The following DZIP1L variants were observed in gnomAD, a reference collection of about 807,000 sequenced individuals.
DZIP1L encodes DAZ interacting zinc finger protein 1 like.
DZIP1L carries 90 observed loss-of-function variants against 88.7 expected under a neutral mutation model. The ratio of observed to expected loss-of-function variants is 1.02; its 90% CI spans 0.86 to 1.21. The LOEUF is 1.21. Among genes scored for constraint, DZIP1L ranks in the 50% most tolerant of loss-of-function variants. The pLI is 0.00. For synonymous variants in DZIP1L, 363 were observed against 372.1 expected (o/e 0.98, Z 0.28); for missense variants, 932 against 955.8 (o/e 0.98, Z 0.33).
intron 2 of DZIP1L, among the ~76,000 whole-genome samples, chr3:138,098,737 T>C (rs1289197052): frequency 6.6e-6 from 1 of 152,222 alleles, no homozygotes; most frequent in Admixed American, 6.5e-5. Context: ...CAGGACTTAC[T>C]ACTAAAAGGG....
Position 138,084,196 on chromosome 3 carries a change from C to T in DZIP1L, c.1120G>A (p.Ala374Thr). Residue 374 changes from alanine to threonine, a missense_variant, in exon 8 of 16, where the codon GCT becomes ACT. Coordinates refer to ENST00000327532, the MANE Select transcript of DZIP1L (RefSeq NM_173543.3). ...CTGATCTGGCACTGGGACTGGGCAG[C>T]TGCCTTCTTCTGATCCTGAGACAGG... ...ASLSQDQKKA[A>T]AQSQCQISTL... is the part of the protein sequence containing the mutation. 2 of 1,614,208 alleles carry T rather than the reference C, an allele frequency of 1.2e-6. No individual in the cohort carries two copies. The highest frequency in any genetic ancestry group is 1.6e-4 in the Middle Eastern group (1 of 6,062).
intron 1 of DZIP1L, among the ~76,000 whole-genome samples, 178 bp downstream of exon 1, chr3:138,115,150 G>A (rs2042671801): frequency 6.6e-6 from 1 of 152,152 alleles, no homozygotes; most frequent in South Asian, 2.1e-4. Context: ...GCGCGCCCTG[G>A]GCAGCGCGGA....
chr3:138,086,173 G>A (rs1427334909), intron 7 of DZIP1L, among the ~76,000 whole-genome samples: 1 of 151,336 alleles, frequency 6.6e-6, no homozygotes, highest in Non-Finnish European at 1.5e-5. Context: ...CAAGTTAATG[G>A]GTGCAGCACA....
chr3:138,099,300 T>C (rs139277041), intron 2 of DZIP1L, among the ~76,000 whole-genome samples: 2 of 152,286 alleles, frequency 1.3e-5, no homozygotes, highest in East Asian at 1.9e-4. Context: ...TTATGAGATT[T>C]TTTTAGGAAT....
At chr3:138,075,545 C>G (rs997474109) in intron 11 of DZIP1L, among the ~76,000 whole-genome samples, 1 of 152,218 alleles carries the variant, frequency 6.6e-6, no homozygotes, top group Non-Finnish European at 1.5e-5. Context: ...ATAACCTGTT[C>G]CTGAATAATC....
At chr3:138,094,763 A>T in intron 4 of DZIP1L, 99 bp downstream of exon 4, 4 of 1,544,106 alleles carry the variant, frequency 2.6e-6, no homozygotes. Flanking sequence ...AGCTCTGGGA[A>T]ACTAGCTGGA....
At chr3:138,089,320 G>A (rs1944096932) in intron 5 of DZIP1L, 1 of 964,686 alleles carries the variant, frequency 1.0e-6, no homozygotes, top group Non-Finnish European at 1.2e-6. Flanking sequence ...CAACTCCCGG[G>A]TTCTAATGTG....
At position 138,088,368 on chromosome 3, in the gene DZIP1L, C is replaced by A; in HGVS notation, c.999+11G>T. ...TTCCTCTGGGAAGAAAGGCATGGAG[C>A]ATCAGCTCACCTGAATTTCTGTCTT... is the stretch of plus-strand genomic sequence containing the variant. On this transcript the variant is annotated intron_variant, in intron 6 of 15. Coordinates refer to ENST00000327532, the MANE Select transcript of DZIP1L (RefSeq NM_173543.3). 1 of 1,607,694 alleles carries A rather than the reference C, an allele frequency of 6.2e-7. No individual in the cohort carries two copies. Among genetic ancestry groups the A allele is most frequent in the South Asian group, 1.1e-5 (1 of 89,804 alleles).
intron 10 of DZIP1L, among the ~76,000 whole-genome samples, chr3:138,078,867 T>G (rs893042858): frequency 6.6e-6 from 1 of 152,154 alleles, no homozygotes; most frequent in Non-Finnish European, 1.5e-5. Context: ...TTAGGTAATG[T>G]GGGGGTGTAG....
chr3:138,066,925 G>A (rs996810475), intron 14 of DZIP1L, among the ~76,000 whole-genome samples: 7 of 152,126 alleles, frequency 4.6e-5, no homozygotes, highest in African/African-American at 1.7e-4. Context: ...TCTTTCTCTC[G>A]GACCCTCCCC....
At chr3:138,068,531 T>C (rs1029652626) in intron 12 of DZIP1L, among the ~76,000 whole-genome samples, 164 bp from the exon 13 acceptor site, 11 of 152,178 alleles carry the variant, frequency 7.2e-5, no homozygotes, top group Non-Finnish European at 1.3e-4. Context: ...TCAGGTGTTC[T>C]GCTGGCCAGA....
At chr3:138,108,438 A>G (rs930927226) in intron 1 of DZIP1L, among the ~76,000 whole-genome samples, 3 of 152,044 alleles carry the variant, frequency 2.0e-5, no homozygotes, top group African/African-American at 7.2e-5. Context: ...AGAACTCTCC[A>G]TCAGCCACTC....
At chr3:138,080,744 G>A (rs1943609592) in intron 9 of DZIP1L, 124 bp from the exon 10 acceptor site, 4 of 893,950 alleles carry the variant, frequency 4.5e-6, no homozygotes, top group Non-Finnish European at 1.7e-6. Context: ...AGTGCATCTT[G>A]ACTGGAGAGA....
intron 12 of DZIP1L, among the ~76,000 whole-genome samples, 186 bp from the exon 13 acceptor site, chr3:138,068,553 G>T (rs1202923457): frequency 6.6e-6 from 1 of 152,148 alleles, no homozygotes; most frequent in Non-Finnish European, 1.5e-5. Context: ...TCGAGGCTAG[G>T]ACCACAGTTC....
At chr3:138,093,363 C>T (rs751296199) in intron 4 of DZIP1L, among the ~76,000 whole-genome samples, 5 of 152,152 alleles carry the variant, frequency 3.3e-5, no homozygotes, top group Admixed American at 1.3e-4. Context: ...TGCTGTCATC[C>T]GGACTTTCTT....
chr3:138,084,260 G>C lies in DZIP1L; in HGVS notation c.1063-7C>G, dbSNP rs770905061. ...TCTGGTTCTCCTCCTGTAGCTGGCA[G>C]GCACAAGATGGCTGGTCAGTCAAAT... On this transcript the variant is annotated splice_polypyrimidine_tract_variant and splice_region_variant and intron_variant, in intron 7 of 15. Transcript: ENST00000327532. The C allele has an allele frequency of 1.2e-6, 2 of 1,612,788 alleles. No homozygotes were observed.
At chr3:138,068,495 C>T in intron 12 of DZIP1L, 128 bp from the exon 13 acceptor site, 1 of 650,910 alleles carries the variant, frequency 1.5e-6, no homozygotes, top group Non-Finnish European at 2.3e-6. Flanking sequence ...GTAATAACCA[C>T]AGCAGATTTC....
chr3:138,078,483 G>A (rs1431501514), intron 10 of DZIP1L, among the ~76,000 whole-genome samples: 1 of 152,200 alleles, frequency 6.6e-6, no homozygotes, highest in African/African-American at 2.4e-5. Context: ...ATCTCTCAAG[G>A]TGGACCCCAA....
chr3:138,109,141 C>A (rs1374476631), intron 1 of DZIP1L, among the ~76,000 whole-genome samples: 1 of 152,222 alleles, frequency 6.6e-6, no homozygotes, highest in African/African-American at 2.4e-5. Context: ...CTTTGATGAA[C>A]TGCTTCCAAA....
Sources: gnomAD v4.1 joint callset for allele counts (sites outside exome capture counted in the v4.1 genomes callset) on GRCh38, gnomAD v4.1.1 for gene constraint, MANE v1.5 for transcripts, NCBI Gene and HGNC (gene_info 2026-07-23, HGNC 2026-07-21) for gene names.